The following TTC39B variants were observed in gnomAD, a reference collection of about 807,000 sequenced individuals.
TTC39B encodes the protein tetratricopeptide repeat protein 39B.
In TTC39B, 92 loss-of-function variants were observed where a neutral mutation model predicts 96.6. That is an observed-to-expected ratio of 0.95 (90% confidence interval 0.80 to 1.13). TTC39B has a LOEUF of 1.13. Among genes scored for constraint, TTC39B ranks in the 50% most tolerant of loss-of-function variants. The probability of loss-of-function intolerance (pLI) is 0.00; values close to 1 mark genes in which losing one functional copy is unlikely to be tolerated. For missense variants in TTC39B, 955 were observed against 809.3 expected, an observed-to-expected ratio of 1.18 and a Z score of -2.18; for synonymous variants, 367 against 299.4, an observed-to-expected ratio of 1.23 and a Z score of -2.33.
intron 8 of TTC39B, among the ~76,000 whole-genome samples, chr9:15,193,760 T>C (rs1358308406): frequency 6.6e-6 from 1 of 152,254 alleles, no homozygotes; most frequent in Non-Finnish European, 1.5e-5. Flanking sequence ...AATGATATCA[T>C]TTCTAAGGTA....
intron 6 of TTC39B, among the ~76,000 whole-genome samples, chr9:15,209,671 T>C (rs1820073579): frequency 6.6e-6 from 1 of 152,206 alleles, no homozygotes; most frequent in Non-Finnish European, 1.5e-5. Flanking sequence ...GACACCATTA[T>C]TCATATCAGT....
At chr9:15,234,516 CG>C (rs1465151935) in intron 2 of TTC39B, among the ~76,000 whole-genome samples, 1 of 152,094 alleles carries the variant, frequency 6.6e-6, no homozygotes, top group Admixed American at 6.5e-5. Context: ...GCCACCACCC[CG>C]TCTGGGAGGT....
At chr9:15,241,526 T>C (rs1188038870) in intron 2 of TTC39B, among the ~76,000 whole-genome samples, 1 of 152,110 alleles carries the variant, frequency 6.6e-6, no homozygotes, top group East Asian at 1.9e-4. Context: ...GAATAAATTA[T>C]AAATTCCTGA....
intron 2 of TTC39B, among the ~76,000 whole-genome samples, chr9:15,251,141 A>G (rs1056438935): frequency 2.0e-5 from 3 of 152,116 alleles, no homozygotes; most frequent in Non-Finnish European, 4.4e-5. Flanking sequence ...GGTTGCAGTG[A>G]GCCAAGATTG....
intron 3 of TTC39B, among the ~76,000 whole-genome samples, chr9:15,219,849 C>T (rs968513653): frequency 3.3e-5 from 5 of 152,190 alleles, no homozygotes; most frequent in African/African-American, 1.2e-4. Flanking sequence ...TCTACTGCCC[C>T]ACACCGCCCA....
At chr9:15,297,095 T>C (rs1824410912) in intron 1 of TTC39B, among the ~76,000 whole-genome samples, 1 of 152,186 alleles carries the variant, frequency 6.6e-6, no homozygotes, top group African/African-American at 2.4e-5. Context: ...GCAGCTCTCC[T>C]GCATTAATCA....
intron 2 of TTC39B, among the ~76,000 whole-genome samples, chr9:15,247,472 A>C (rs1361951843): frequency 1.3e-5 from 2 of 152,204 alleles, no homozygotes; most frequent in Admixed American, 6.5e-5. Context: ...AACTCATTAC[A>C]GGAGACAAGT....
chr9:15,239,198 A>G (rs1821924333), intron 2 of TTC39B, among the ~76,000 whole-genome samples: 1 of 152,338 alleles, frequency 6.6e-6, no homozygotes, highest in East Asian at 1.9e-4. Flanking sequence ...AGAAACACAA[A>G]TTAAAACCAC....
At chr9:15,183,190 G>A (rs1224108065) in intron 16 of TTC39B, among the ~76,000 whole-genome samples, 1 of 152,066 alleles carries the variant, frequency 6.6e-6, no homozygotes, top group Non-Finnish European at 1.5e-5. Flanking sequence ...AGGAGGTAGT[G>A]GAAATGAGGA....
At chr9:15,202,732 CAAA>C (rs1174910569) in intron 7 of TTC39B, among the ~76,000 whole-genome samples, 5 of 130,224 alleles carry the variant, frequency 3.8e-5, no homozygotes, top group African/African-American at 2.8e-5. Context: ...CCTCCCCCAC[CAAA>C]AAAAAAAAAA....
chr9:15,222,548 G>C (rs1209976105), intron 3 of TTC39B, among the ~76,000 whole-genome samples: 2 of 152,216 alleles, frequency 1.3e-5, no homozygotes, highest in South Asian at 2.1e-4. Flanking sequence ...CTTCATGATT[G>C]AGCCATTTGG....
chr9:15,214,293 G>C (rs775543412), intron 3 of TTC39B, 44 bp from the exon 4 acceptor site: 15 of 1,443,284 alleles, frequency 1.0e-5, no homozygotes, highest in Middle Eastern at 1.8e-4. Flanking sequence ...ATAGCTTTAC[G>C]ATCAGCAAGT....
At chr9:15,225,896 A>G (rs1821095578) in intron 3 of TTC39B, 21 bp downstream of exon 3, 1 of 1,609,126 alleles carries the variant, frequency 6.2e-7, no homozygotes, top group Non-Finnish European at 8.5e-7. Flanking sequence ...TCCCCCAGGA[A>G]TGCCCACAAC....
At chr9:15,261,702 C>G (rs1419216727) in intron 2 of TTC39B, among the ~76,000 whole-genome samples, 1 of 152,060 alleles carries the variant, frequency 6.6e-6, no homozygotes, top group African/African-American at 2.4e-5. Context: ...GAAATGCCAC[C>G]CATCCCTCAA....
At chr9:15,217,181 C>G (rs1417692684) in intron 3 of TTC39B, among the ~76,000 whole-genome samples, 5 of 152,268 alleles carry the variant, frequency 3.3e-5, no homozygotes, top group Non-Finnish European at 7.4e-5. Flanking sequence ...ATTCTTTGAA[C>G]AAAAGAAAAT....
At chr9:15,234,490 G>A (rs962619651) in intron 2 of TTC39B, among the ~76,000 whole-genome samples, 10 of 151,984 alleles carry the variant, frequency 6.6e-5, no homozygotes, top group African/African-American at 2.2e-4. Context: ...TGGGAAGTGA[G>A]GAGCCCCTCT....
rs36054985 is a variant in TTC39B, at chr9:15,223,548, T to C, written c.371+2369A>G. Reference sequence around the variant, plus strand: ...GAGTAACATATGAGGTATGGCGCTATCATTTTCTGTTCAGACTAACTCCAT... The same window carrying C: ...GAGTAACATATGAGGTATGGCGCTACCATTTTCTGTTCAGACTAACTCCAT... On this transcript the variant is annotated intron_variant, in intron 3 of 19. Transcript: ENST00000512701. 4.2e-3 allele frequency among the ~76,000 whole-genome samples: 633 copies of C among 152,270 alleles called. 2 individuals are homozygous for C. Among genetic ancestry groups the C allele is most frequent in the Non-Finnish European group, 7.6e-3 (520 of 68,022 alleles).
intron 1 of TTC39B, among the ~76,000 whole-genome samples, chr9:15,285,161 G>A (rs973902907): frequency 6.6e-6 from 1 of 151,626 alleles, no homozygotes; most frequent in African/African-American, 2.4e-5. Context: ...GCTACTCGGG[G>A]CGGGGGCTGA....
rs542703954 is a variant in TTC39B at position 15,235,472 on chromosome 9, A to G, written c.276-9460T>C. ...ACAAGACATTCAGAGAACACCTGCA[A>G]GACACTATGCAAGACGAACTTCACC... On this transcript the variant is annotated intron_variant, in intron 2 of 19. Transcript: ENST00000512701. Among the ~76,000 whole-genome samples, 3 of 152,314 alleles carry G rather than the reference A, an allele frequency of 2.0e-5. No homozygotes were observed. The South Asian group carries it at 6.2e-4, about 32-fold the overall frequency.
Sources: gnomAD v4.1 joint callset for allele counts (sites outside exome capture counted in the v4.1 genomes callset) on GRCh38, gnomAD v4.1.1 for gene constraint, MANE v1.5 for transcripts, NCBI Gene and HGNC (gene_info 2026-07-23, HGNC 2026-07-21) for gene names.